The following ADGRV1 variants were observed in gnomAD, a reference collection of about 807,000 sequenced individuals.
ADGRV1 encodes the protein G-protein coupled receptor 98.
Under a neutral mutation model 596.2 loss-of-function variants are expected in ADGRV1, and 359 were observed. The observed-to-expected ratio is 0.60, with a 90% CI of 0.55 to 0.66. The LOEUF is 0.66. ADGRV1 is among the 30% of genes least tolerant of loss of function. The pLI is 0.00. For synonymous variants in ADGRV1, 2,681 were observed against 2,679.2 expected, an observed-to-expected ratio of 1.00 and a Z score of -0.02; for missense variants, 7,274 against 7,575.6, an observed-to-expected ratio of 0.96 and a Z score of 1.48.
chr5:91,062,101 C>G (rs1787487703), intron 85 of ADGRV1, among the ~76,000 whole-genome samples: 1 of 152,162 alleles, frequency 6.6e-6, no homozygotes, highest in South Asian at 2.1e-4. Context: ...CTTTTAGAGA[C>G]CACAGAGTCT....
chr5:90,839,126 AG>A (rs1469951671), intron 77 of ADGRV1, among the ~76,000 whole-genome samples: 1 of 152,152 alleles, frequency 6.6e-6, no homozygotes, highest in Non-Finnish European at 1.5e-5. Context: ...TGAATCCTCT[AG>A]GGTCTTCCTG....
At chr5:91,005,259 C>T (rs369610068) in intron 85 of ADGRV1, among the ~76,000 whole-genome samples, 4 of 151,840 alleles carry the variant, frequency 2.6e-5, no homozygotes, top group Non-Finnish European at 4.4e-5. Flanking sequence ...AAAAAGACAA[C>T]GTAAGATACT....
At chr5:90,799,386 T>C (rs559949042) in intron 70 of ADGRV1, among the ~76,000 whole-genome samples, 137 of 151,982 alleles carry the variant, frequency 9.0e-4, no homozygotes, top group Admixed American at 2.3e-3. Flanking sequence ...TGAAGGACCT[T>C]TTCAAGGACA....
intron 9 of ADGRV1, among the ~76,000 whole-genome samples, chr5:90,632,377 C>A (rs747261846): frequency 8.6e-4 from 130 of 152,024 alleles, no homozygotes; most frequent in Non-Finnish European, 1.5e-3. Flanking sequence ...TTACAGAGAA[C>A]GTTTTTGTTA....
chr5:90,672,783 G>A, intron 22 of ADGRV1, 61 bp downstream of exon 22: 1 of 1,260,672 alleles, frequency 7.9e-7, no homozygotes, highest in Non-Finnish European at 1.1e-6. Flanking sequence ...TGAAGTGTTT[G>A]TTCTGTAATT....
Position 90,698,353 on chromosome 5 carries a change from T to A in ADGRV1, c.8155+1207T>A, listed in dbSNP as rs1307634823. Among the ~76,000 whole-genome samples the A allele has an allele frequency of 2.0e-5, 3 of 152,290 alleles. No homozygotes were observed. In the South Asian group the frequency reaches 6.2e-4, roughly 32 times the overall value. On this transcript the variant is annotated intron_variant, in intron 34 of 89. Coordinates refer to ENST00000405460, the MANE Select transcript of ADGRV1 (RefSeq NM_032119.4). ...AGCAGTCCTATGATATAGGTATAAT[T>A]GTATACACCAGATTTTCATACAAGG...
intron 21 of ADGRV1, among the ~76,000 whole-genome samples, chr5:90,669,930 G>T (rs1772196284): frequency 6.7e-6 from 1 of 149,598 alleles, no homozygotes; most frequent in African/African-American, 2.5e-5. Flanking sequence ...AATGTACTTG[G>T]TCCTCTTCTC....
chr5:91,080,758 T>G (rs1789284856), intron 86 of ADGRV1, among the ~76,000 whole-genome samples: 1 of 152,154 alleles, frequency 6.6e-6, no homozygotes, highest in Non-Finnish European at 1.5e-5. Flanking sequence ...ATAACACTAT[T>G]TAATTTCGTA....
intron 89 of ADGRV1, among the ~76,000 whole-genome samples, chr5:91,158,424 A>G (rs1446252508): frequency 6.6e-6 from 1 of 152,188 alleles, no homozygotes; most frequent in African/African-American, 2.4e-5. Context: ...CAAAACCTAC[A>G]AGGTGGAAAA....
intron 86 of ADGRV1, among the ~76,000 whole-genome samples, chr5:91,085,121 C>G (rs1003790214): frequency 6.6e-6 from 1 of 152,136 alleles, no homozygotes. Flanking sequence ...GGAGAAATAC[C>G]TAATGTAAAT....
At chr5:91,070,836 G>T (rs573076809) in intron 85 of ADGRV1, among the ~76,000 whole-genome samples, 16 of 152,174 alleles carry the variant, frequency 1.1e-4, no homozygotes, top group Non-Finnish European at 2.1e-4. Flanking sequence ...TTTCAAGAGA[G>T]AATAGATGGC....
chr5:91,020,466 CTTAAA>C (rs1384634762), intron 85 of ADGRV1, among the ~76,000 whole-genome samples: 2 of 151,994 alleles, frequency 1.3e-5, no homozygotes, highest in East Asian at 1.9e-4. Context: ...GTCCTATTAT[CTTAAA>C]TTTGCAGGTC....
In ADGRV1 at chr5:90,823,506, G is replaced by C. The variant is rs1763792459; in HGVS notation, c.16278G>C (p.Leu5426=). Residue 5426 remains leucine (L), a synonymous_variant, in exon 76 of 90, where the codon CTG becomes CTC. Coordinates refer to ENST00000405460, the MANE Select transcript of ADGRV1 (RefSeq NM_032119.4). ...TGCTCCAGAAGGATGGGGTAAACCTGGTGGAGGAACTTCAGTCTGTGTCAG... is the reference window on the plus strand; with the variant it reads ...TGCTCCAGAAGGATGGGGTAAACCTCGTGGAGGAACTTCAGTCTGTGTCAG... ...VVVLQKDGVN[L]VEELQSVSGT... 2 of 1,613,838 alleles carry C rather than the reference G, an allele frequency of 1.2e-6. No homozygotes were observed. The highest frequency in any genetic ancestry group is 1.7e-6 in the Non-Finnish European group (2 of 1,179,750).
In ADGRV1 at chr5:90,763,421, G is replaced by C. The variant is rs1226633107; in HGVS notation, c.12237G>C (p.Lys4079Asn). 3.1e-6 allele frequency: 5 copies of C among 1,613,694 alleles called. No homozygotes were observed. The Admixed American group carries it at 8.3e-5, about 27-fold the overall frequency. ...GACTTGAGTGGACCATAGATGAGAA[G>C]GCTAAACATAACCTTAGTCCTTTGA... ...TVRLEWTIDE[K>N]AKHNLSPLNG... The change falls in exon 59 of 90, where the codon AAG (lysine) becomes AAC (asparagine). Residue 4079 changes from lysine to asparagine, a missense_variant. Physicochemically the swap from Lys to Asn is moderately conservative, Grantham distance 94. Transcript: ENST00000405460.
chr5:90,569,989 A>G (rs75860993), intron 1 of ADGRV1, among the ~76,000 whole-genome samples: 2 of 152,264 alleles, frequency 1.3e-5, no homozygotes, highest in East Asian at 3.9e-4. Flanking sequence ...TAATAAAAGT[A>G]CATTTATGCC....
At chr5:90,851,132 T>TGA (rs1250365258) in intron 79 of ADGRV1, among the ~76,000 whole-genome samples, 1 of 71,964 alleles carries the variant, frequency 1.4e-5, no homozygotes, top group African/African-American at 3.9e-5. Flanking sequence ...TGTGTGTGTG[T>TGA]GTGAGAGAGA....
intron 83 of ADGRV1, among the ~76,000 whole-genome samples, chr5:90,921,942 G>A (rs1187007637): frequency 6.6e-6 from 1 of 151,986 alleles, no homozygotes; most frequent in Non-Finnish European, 1.5e-5. Flanking sequence ...CAAGTCCGGG[G>A]TCAAAAACTG....
chr5:90,644,789 G>GT lies in ADGRV1; in HGVS notation c.2819dup (p.Phe941IlefsTer26). ...GGTTAGTCCAGACTTTACACAAGAT[G>GT]TATTTCCTGTACAAGGGACTGTTGT... On this transcript the variant is annotated frameshift_variant, in exon 15 of 90. Transcript: ENST00000405460. LOFTEE classifies it high-confidence loss of function. The GT allele has an allele frequency of 6.2e-7, 1 of 1,611,294 alleles. No homozygotes were observed. Among genetic ancestry groups the GT allele is most frequent in the Non-Finnish European group, 8.5e-7 (1 of 1,178,820 alleles).
At chr5:90,791,549 A>T in intron 70 of ADGRV1, 1 of 546,880 alleles carries the variant, frequency 1.8e-6, no homozygotes, top group Non-Finnish European at 3.2e-6. Flanking sequence ...GAGATAATAG[A>T]TTTTTGTGTA....
Sources: allele counts gnomAD v4.1 joint callset (sites outside exome capture counted in the v4.1 genomes callset), GRCh38; gene constraint gnomAD v4.1.1; transcripts MANE v1.5; gene names NCBI Gene and HGNC (gene_info 2026-07-23, HGNC 2026-07-21).